The following DAB2IP variants were observed in gnomAD, a reference collection of about 807,000 sequenced individuals.
The protein encoded by DAB2IP is DAB2 interacting protein, also known as disabled homolog 2-interacting protein.
DAB2IP carries 28 observed loss-of-function variants against 107.2 expected under a neutral mutation model. The observed-to-expected ratio is 0.26, with a 90% CI of 0.19 to 0.36. The LOEUF is 0.36. Among genes scored for constraint, DAB2IP ranks in the 10% least tolerant of loss-of-function variants. The pLI, the probability that DAB2IP is intolerant of heterozygous loss-of-function variation, is 1.00. For missense variants in DAB2IP, 1,400 were observed against 1,644.7 expected, an observed-to-expected ratio of 0.85 and a Z score of 2.57; for synonymous variants, 755 against 706.4, an observed-to-expected ratio of 1.07 and a Z score of -1.09.
At chr9:121,685,934 A>G (rs532108283) in intron 2 of DAB2IP, among the ~76,000 whole-genome samples, 1 of 152,348 alleles carries the variant, frequency 6.6e-6, no homozygotes, top group Admixed American at 6.5e-5. Context: ...GGAAGCGACA[A>G]GAGATCCACG....
intron 2 of DAB2IP, among the ~76,000 whole-genome samples, chr9:121,686,990 T>C (rs1828915313): frequency 6.6e-6 from 1 of 151,976 alleles, no homozygotes; most frequent in Non-Finnish European, 1.5e-5. Flanking sequence ...ACCAAGTTCT[T>C]AGGTGGTGAG....
At chr9:121,713,183 C>T (rs1488409676) in intron 3 of DAB2IP, among the ~76,000 whole-genome samples, 1 of 152,174 alleles carries the variant, frequency 6.6e-6, no homozygotes, top group Non-Finnish European at 1.5e-5. Flanking sequence ...AATTGTCTCA[C>T]CCAGGGGCAC....
chr9:121,710,991 G>A (rs928989779), intron 3 of DAB2IP, among the ~76,000 whole-genome samples: 1 of 152,218 alleles, frequency 6.6e-6, no homozygotes, highest in Admixed American at 6.5e-5. Context: ...GTTGCCCTAG[G>A]ATCATAAAGT....
intron 1 of DAB2IP, among the ~76,000 whole-genome samples, chr9:121,659,798 A>C (rs767896420): frequency 6.6e-5 from 10 of 152,094 alleles, no homozygotes; most frequent in Non-Finnish European, 1.5e-4. Context: ...CGTCTCAAAA[A>C]AAGAAAAAAG....
rs115027587 is a variant in DAB2IP at position 121,575,765 on chromosome 9, G to A, written c.40+8537G>A. On this transcript the variant is annotated intron_variant, in intron 1 of 16. Coordinates refer to the DAB2IP transcript ENST00000259371. ...TCTGTTCCTTCTGCTGGGTGGATAC[G>A]CCCTGGGCTGCTTAGCCCACCCTGG... Among the ~76,000 whole-genome samples the A allele has an allele frequency of 5.5e-4, 84 of 152,178 alleles. 1 individual carries two copies. The highest frequency in any genetic ancestry group is 1.9e-3 in the African/African-American group (77 of 41,470).
In DAB2IP at chr9:121,633,197, T is replaced by C. The variant is rs1831957198; in HGVS notation, c.41-45481T>C. Among the ~76,000 whole-genome samples, 1 of 152,204 alleles carries C rather than the reference T, an allele frequency of 6.6e-6. No homozygotes were observed. The stretch of plus-strand genomic sequence containing the variant: ...GAGCACGCTGGGAATAGAGACCTCA[T>C]CGGGAAGGTTTGACATGAACAATAC... On this transcript the variant is annotated intron_variant, in intron 1 of 16. Transcript: ENST00000259371. The surrounding 1 kb of genome is among the most constrained non-coding windows in gnomAD (Gnocchi z 5.1).
chr9:121,657,698 G>A (rs527403871), intron 1 of DAB2IP, among the ~76,000 whole-genome samples: 10 of 152,092 alleles, frequency 6.6e-5, no homozygotes, highest in African/African-American at 1.4e-4. Flanking sequence ...CTCAGAGAGC[G>A]CTGGAATGGA....
intron 3 of DAB2IP, among the ~76,000 whole-genome samples, chr9:121,714,892 G>GGT (rs1830512941): frequency 6.6e-6 from 1 of 152,236 alleles, no homozygotes. Flanking sequence ...GGGAGAACTC[G>GGT]TGCAGTCCTG....
At chr9:121,661,250 G>C (rs1564140803) in intron 1 of DAB2IP, among the ~76,000 whole-genome samples, 1 of 152,086 alleles carries the variant, frequency 6.6e-6, no homozygotes, top group Non-Finnish European at 1.5e-5. Context: ...TCGATTATTT[G>C]GGGGAGAGGA....
intron 13 of DAB2IP, among the ~76,000 whole-genome samples, chr9:121,775,764 G>C (rs1835158116): frequency 6.6e-6 from 1 of 152,194 alleles, no homozygotes; most frequent in Non-Finnish European, 1.5e-5. Context: ...CTGCTAGTCA[G>C]TCGCTCTTCA....
intron 3 of DAB2IP, among the ~76,000 whole-genome samples, chr9:121,710,613 G>T (rs1830294600): frequency 2.0e-5 from 3 of 152,176 alleles, no homozygotes; most frequent in Non-Finnish European, 4.4e-5. Flanking sequence ...ACAAGAAGGG[G>T]TCGTGGCTAG....
chr9:121,741,302 C>T (rs1832324357), intron 3 of DAB2IP, among the ~76,000 whole-genome samples: 1 of 151,940 alleles, frequency 6.6e-6, no homozygotes, highest in African/African-American at 2.4e-5. Context: ...GCAGAACTCC[C>T]CATAGGTAAG....
chr9:121,734,402 G>T (rs1326009125), intron 3 of DAB2IP, among the ~76,000 whole-genome samples: 2 of 149,734 alleles, frequency 1.3e-5, no homozygotes, highest in East Asian at 2.0e-4. Context: ...AAAAAAAAAA[G>T]ATGTTGCTGA....
chr9:121,760,454 C>T lies in DAB2IP; in HGVS notation c.1170+15C>T, dbSNP rs774009876. On this transcript the variant is annotated intron_variant, in intron 6 of 15. Transcript: ENST00000408936. The surrounding 1 kb of genome is among the most constrained non-coding windows in gnomAD (Gnocchi z 5.9). Reference sequence around the variant, plus strand: ...GCAAGGTGAAGGTGCGTGCAGGCCCCTCGGCTCCTGACACAGGCTGGGCGG... The same window carrying T: ...GCAAGGTGAAGGTGCGTGCAGGCCCTTCGGCTCCTGACACAGGCTGGGCGG... The T allele has an allele frequency of 5.4e-5, 85 of 1,571,164 alleles. No homozygotes were observed. The African/African-American group carries it at 9.8e-4, about 18-fold the overall frequency.
exon 12 of DAB2IP, chr9:121,773,187 G>T: frequency 6.3e-7 from 1 of 1,590,212 alleles, no homozygotes; most frequent in East Asian, 2.3e-5. Context: ...TCGGCGGCCC[G>T]GTGAGCTGGC....
At chr9:121,692,279 A>G (rs1829201018) in intron 2 of DAB2IP, among the ~76,000 whole-genome samples, 1 of 151,980 alleles carries the variant, frequency 6.6e-6, no homozygotes, top group Non-Finnish European at 1.5e-5. Flanking sequence ...GTATGTGTGT[A>G]TTCGTGTGTG....
chr9:121,617,196 G>A lies in DAB2IP; in HGVS notation c.40+49968G>A, dbSNP rs370818282. Among the ~76,000 whole-genome samples, 19 of 152,194 alleles carry A rather than the reference G, an allele frequency of 1.2e-4. 1 individual carries two copies. The East Asian group carries it at 2.1e-3, about 17-fold the overall frequency. On this transcript the variant is annotated intron_variant, in intron 1 of 16. Coordinates refer to the DAB2IP transcript ENST00000259371. ...AAAAATTAGCCAGGCATGGTGGCAC[G>A]CGCCTGTAATCCCAGCTACTCAGGA...
chr9:121,745,785 C>G (rs1354034341), intron 3 of DAB2IP, among the ~76,000 whole-genome samples: 1 of 152,216 alleles, frequency 6.6e-6, no homozygotes, highest in Admixed American at 6.5e-5. Context: ...AGTGCTCCTT[C>G]CCTTCACATC....
At chr9:121,686,497 C>T (rs978227210) in intron 2 of DAB2IP, among the ~76,000 whole-genome samples, 2 of 152,208 alleles carry the variant, frequency 1.3e-5, no homozygotes, top group East Asian at 3.9e-4. Context: ...CCACCCCAGT[C>T]CCTGCCAGGT....
Sources: allele counts gnomAD v4.1 joint callset (sites outside exome capture counted in the v4.1 genomes callset), GRCh38; gene constraint gnomAD v4.1.1; non-coding constraint Gnocchi (gnomAD v3.1); transcripts MANE v1.5; gene names NCBI Gene and HGNC (gene_info 2026-07-23, HGNC 2026-07-21).